ADAMTSL3: variants seen among roughly 807,000 people sequenced by gnomAD.
ADAMTSL3 encodes ADAMTS-like protein 3.
A neutral mutation model predicts 201.7 loss-of-function variants in ADAMTSL3; 128 were observed. That is an observed-to-expected ratio of 0.63 (90% CI 0.55 to 0.73). The LOEUF (loss-of-function observed/expected upper bound fraction) is 0.73, where lower values mean the gene tolerates loss of function less well. Among genes scored for constraint, ADAMTSL3 ranks in the 30% least tolerant of loss-of-function variants. The pLI, the probability that ADAMTSL3 is intolerant of heterozygous loss-of-function variation, is 0.00. For missense variants in ADAMTSL3, 1,990 were observed against 2,119.6 expected (o/e 0.94, Z 1.20); for synonymous variants, 738 against 748.4 (o/e 0.99, Z 0.23).
chr15:83,892,472 G>A (rs531394671), intron 12 of ADAMTSL3, among the ~76,000 whole-genome samples: 89 of 152,186 alleles, frequency 5.8e-4, no homozygotes, highest in African/African-American at 2.1e-3. Flanking sequence ...AGAGGTTGCA[G>A]TGAGCCAAGA....
intron 3 of ADAMTSL3, among the ~76,000 whole-genome samples, chr15:83,736,562 A>G (rs1480376514): frequency 6.6e-6 from 1 of 152,246 alleles, no homozygotes; most frequent in Admixed American, 6.5e-5. Context: ...CCCAAAATAC[A>G]TTCAGGAGGA....
At chr15:83,820,220 A>G (rs1389803782) in intron 6 of ADAMTSL3, among the ~76,000 whole-genome samples, 173 bp downstream of exon 6, 2 of 152,180 alleles carry the variant, frequency 1.3e-5, no homozygotes, top group Non-Finnish European at 2.9e-5. Context: ...CAGCAAATAC[A>G]AATACAAATT....
Position 83,942,890 on chromosome 15 carries a change from C to T in ADAMTSL3, c.2311-13C>T. ...GGCCAAGCCTGCCGCCTCACCCCCT[C>T]TTGTCTTCTTAGTGTTCCAGGACTT... On this transcript the variant is annotated splice_polypyrimidine_tract_variant and intron_variant, in intron 18 of 29. Transcript: ENST00000286744. 6.2e-7 allele frequency: 1 copy of T among 1,610,022 alleles called. No homozygotes were observed.
chr15:83,669,035 T>C (rs1380755686), intron 2 of ADAMTSL3, among the ~76,000 whole-genome samples: 1 of 152,232 alleles, frequency 6.6e-6, no homozygotes, highest in Non-Finnish European at 1.5e-5. Flanking sequence ...CCTTACCTAC[T>C]ATGAGGCCAG....
At chr15:83,900,700 C>T (rs1259509721) in intron 15 of ADAMTSL3, among the ~76,000 whole-genome samples, 1 of 152,178 alleles carries the variant, frequency 6.6e-6, no homozygotes, top group South Asian at 2.1e-4. Flanking sequence ...TAAGAGACAC[C>T]TCATTCTTGT....
At chr15:84,008,002 T>C (rs1185931649) in intron 23 of ADAMTSL3, among the ~76,000 whole-genome samples, 1 of 152,108 alleles carries the variant, frequency 6.6e-6, no homozygotes, top group East Asian at 1.9e-4. Context: ...TCATTCTCTC[T>C]TGAATCCACT....
In ADAMTSL3 at chr15:83,897,860, C is replaced by T. The variant is rs748002889; in HGVS notation, c.1470C>T (p.Cys490=). 5 of 1,595,866 alleles carry T rather than the reference C, an allele frequency of 3.1e-6. No homozygotes were observed. The highest frequency in any genetic ancestry group is 2.2e-5 in the East Asian group (1 of 44,508). The part of the protein sequence containing the change: ...PKWIAMEWSQ[C]TVTCGRGLRY... ...GGCTTCTCTTTTCTTCTTTGAAGTG[C>T]ACAGTGACTTGTGGCCGAGGGTTAC... The change falls in exon 14 of 30, where the codon TGC becomes TGT. Residue 490 remains cysteine, a splice_region_variant and synonymous_variant. Transcript: ENST00000286744.
intron 7 of ADAMTSL3, among the ~76,000 whole-genome samples, chr15:83,841,241 G>A (rs571186812): frequency 6.6e-6 from 1 of 152,264 alleles, no homozygotes; most frequent in South Asian, 2.1e-4. Context: ...AATTCTACCA[G>A]CATTCTTACA....
chr15:83,701,186 G>T (rs568474887), intron 2 of ADAMTSL3, among the ~76,000 whole-genome samples: 2 of 152,110 alleles, frequency 1.3e-5, no homozygotes, highest in Non-Finnish European at 2.9e-5. Context: ...CCAGTCGGGG[G>T]TATAGTCACA....
chr15:84,031,436 G>T lies in ADAMTSL3; in HGVS notation c.4754+4G>T, dbSNP rs62026484. The T allele has an allele frequency of 6.2e-7, 1 of 1,613,986 alleles. No individual in the cohort carries two copies. The highest frequency in any genetic ancestry group is 1.7e-5 in the Admixed American group (1 of 60,024). ...CCAACTGTGATGACAGAAAGAGGTA[G>T]GGGCCCCACCCCAGAGCAGCACACA... On this transcript the variant is annotated splice_donor_region_variant and intron_variant, in intron 28 of 29. Transcript: ENST00000286744.
intron 15 of ADAMTSL3, among the ~76,000 whole-genome samples, chr15:83,900,324 A>C (rs59950788): frequency 6.6e-6 from 1 of 152,224 alleles, no homozygotes; most frequent in Non-Finnish European, 1.5e-5. Flanking sequence ...TACCATCTGC[A>C]TGTGATTTGA....
At chr15:83,789,827 C>T (rs1007694518) in intron 4 of ADAMTSL3, among the ~76,000 whole-genome samples, 13 of 152,066 alleles carry the variant, frequency 8.5e-5, no homozygotes, top group African/African-American at 2.9e-4. Context: ...GGGAGGTCAG[C>T]TGGAAATTTA....
intron 3 of ADAMTSL3, among the ~76,000 whole-genome samples, chr15:83,720,149 G>A (rs572675250): frequency 1.3e-5 from 2 of 152,258 alleles, no homozygotes; most frequent in East Asian, 1.9e-4. Context: ...AGTCTGGGAG[G>A]CAGAGGTTGC....
intron 14 of ADAMTSL3, among the ~76,000 whole-genome samples, chr15:83,898,750 G>C (rs1782773635): frequency 6.6e-6 from 1 of 152,128 alleles, no homozygotes; most frequent in South Asian, 2.1e-4. Flanking sequence ...TGGGAGAAAA[G>C]ATTATTCCCA....
At chr15:83,999,114 A>G (rs1172822356) in intron 23 of ADAMTSL3, among the ~76,000 whole-genome samples, 1 of 152,242 alleles carries the variant, frequency 6.6e-6, no homozygotes, top group African/African-American at 2.4e-5. Context: ...TCAAAGACAC[A>G]ACCATTATTT....
chr15:83,934,952 G>A (rs1271229516), intron 17 of ADAMTSL3, among the ~76,000 whole-genome samples: 1 of 152,150 alleles, frequency 6.6e-6, no homozygotes, highest in Non-Finnish European at 1.5e-5. Context: ...GAAGTCGAAA[G>A]TCAAATTTCA....
chr15:83,933,409 A>G (rs1231602825), intron 17 of ADAMTSL3, among the ~76,000 whole-genome samples: 1 of 152,228 alleles, frequency 6.6e-6, no homozygotes, highest in African/African-American at 2.4e-5. Context: ...CAAAGCATTC[A>G]AGAGGTAACT....
At chr15:83,819,683 G>T in intron 5 of ADAMTSL3, 128 bp from the exon 6 acceptor site, 1 of 662,564 alleles carries the variant, frequency 1.5e-6, no homozygotes, top group East Asian at 2.6e-5. Context: ...AAAAAAAGAG[G>T]GAATTAGGTG....
chr15:83,885,441 C>CAA (rs1319354132), intron 10 of ADAMTSL3, among the ~76,000 whole-genome samples: 1 of 129,042 alleles, frequency 7.7e-6, no homozygotes, highest in Non-Finnish European at 1.7e-5. Context: ...TACTTTTAGC[C>CAA]AAAAAAAAAA....
Sources: gnomAD v4.1 joint callset for allele counts (sites outside exome capture counted in the v4.1 genomes callset) on GRCh38, gnomAD v4.1.1 for gene constraint, MANE v1.5 for transcripts, NCBI Gene and HGNC (gene_info 2026-07-23, HGNC 2026-07-21) for gene names.